The following LRBA variants were observed in gnomAD, a reference collection of about 807,000 sequenced individuals.
LRBA encodes LPS responsive beige-like anchor protein, also known as lipopolysaccharide-responsive and beige-like anchor protein.
A neutral mutation model predicts 330.0 loss-of-function variants in LRBA; 176 were observed. The ratio of observed to expected loss-of-function variants is 0.53; its 90% CI spans 0.47 to 0.60. The LOEUF (loss-of-function observed/expected upper bound fraction) is 0.60, where lower values mean the gene tolerates loss of function less well. LRBA is among the 20% of genes least tolerant of loss of function. The pLI is 0.00. For missense variants in LRBA, 3,259 were observed against 3,444.8 expected (o/e 0.95, Z 1.35); for synonymous variants, 1,230 against 1,193.0 (o/e 1.03, Z -0.64).
At chr4:150,451,482 A>C (rs1426090195) in intron 44 of LRBA, among the ~76,000 whole-genome samples, 1 of 152,232 alleles carries the variant, frequency 6.6e-6, no homozygotes, top group African/African-American at 2.4e-5. Flanking sequence ...AATTTACAAG[A>C]GAAATTAGAA....
At chr4:150,267,699 T>C (rs1043210518) in intron 56 of LRBA, among the ~76,000 whole-genome samples, 1 of 152,052 alleles carries the variant, frequency 6.6e-6, no homozygotes, top group Non-Finnish European at 1.5e-5. Flanking sequence ...AGTAAAATGA[T>C]TGATAGGAAA....
chr4:150,856,365 C>T (rs911142142), intron 22 of LRBA, among the ~76,000 whole-genome samples: 19 of 152,146 alleles, frequency 1.2e-4, no homozygotes, highest in African/African-American at 1.4e-4. Context: ...CTTCATCTCT[C>T]TTCTATGTTG....
At chr4:150,674,798 C>T (rs1782388076) in intron 37 of LRBA, among the ~76,000 whole-genome samples, 1 of 152,080 alleles carries the variant, frequency 6.6e-6, no homozygotes, top group Non-Finnish European at 1.5e-5. Flanking sequence ...CTGCTTGAGC[C>T]CTGGAGGTCA....
At chr4:150,446,775 A>G (rs1752667336) in intron 44 of LRBA, among the ~76,000 whole-genome samples, 1 of 152,264 alleles carries the variant, frequency 6.6e-6, no homozygotes, top group Non-Finnish European at 1.5e-5. Context: ...GTCAAAAAAT[A>G]AAGGCGGATG....
At chr4:150,905,205 A>C (rs1731196655) in intron 13 of LRBA, among the ~76,000 whole-genome samples, 1 of 152,108 alleles carries the variant, frequency 6.6e-6, no homozygotes, top group Non-Finnish European at 1.5e-5. Context: ...TGAAAAAAAA[A>C]ATTTGTACAA....
At chr4:150,948,086 C>T (rs1736428447) in intron 2 of LRBA, among the ~76,000 whole-genome samples, 1 of 152,062 alleles carries the variant, frequency 6.6e-6, no homozygotes. Flanking sequence ...ACATAGTTCC[C>T]ATCAAAATCC....
chr4:150,638,536 A>C (rs185918076), intron 37 of LRBA, among the ~76,000 whole-genome samples: 62 of 152,336 alleles, frequency 4.1e-4, no homozygotes, highest in Non-Finnish European at 7.1e-4. Context: ...ACTTAAGAAC[A>C]CATAAGGACA....
chr4:150,964,167 TG>T (rs1160924714), intron 2 of LRBA, among the ~76,000 whole-genome samples: 1 of 144,376 alleles, frequency 6.9e-6, no homozygotes, highest in Non-Finnish European at 1.5e-5. Context: ...GTCTGGGAGG[TG>T]GGGGGCCCCT....
chr4:150,735,660 C>T (rs1731087502), intron 35 of LRBA, among the ~76,000 whole-genome samples: 1 of 152,162 alleles, frequency 6.6e-6, no homozygotes, highest in Non-Finnish European at 1.5e-5. Flanking sequence ...GTTACCAAGG[C>T]AGCCAAAATT....
intron 40 of LRBA, among the ~76,000 whole-genome samples, chr4:150,568,504 C>T (rs1025093482): frequency 1.3e-5 from 2 of 152,110 alleles, no homozygotes; most frequent in African/African-American, 4.8e-5. Flanking sequence ...TAGCAGGCAG[C>T]ACGTAAGTGG....
At chr4:150,944,386 GC>G (rs1189509316) in intron 2 of LRBA, among the ~76,000 whole-genome samples, 1 of 152,108 alleles carries the variant, frequency 6.6e-6, no homozygotes, top group Non-Finnish European at 1.5e-5. Flanking sequence ...CTTTACATAA[GC>G]ACTTTACATG....
chr4:150,462,188 T>C (rs1460116400), intron 44 of LRBA, among the ~76,000 whole-genome samples: 2 of 151,802 alleles, frequency 1.3e-5, no homozygotes, highest in African/African-American at 4.8e-5. Context: ...CTATGCATGG[T>C]TAGATCTGTC....
chr4:150,737,507 G>A (rs1187002861), intron 35 of LRBA, among the ~76,000 whole-genome samples: 2 of 107,714 alleles, frequency 1.9e-5, no homozygotes, highest in Non-Finnish European at 4.7e-5. Context: ...GAGAGAGAGA[G>A]AAAGGAAAGA....
At chr4:150,725,188 T>C (rs539267391) in intron 36 of LRBA, among the ~76,000 whole-genome samples, 12 of 152,164 alleles carry the variant, frequency 7.9e-5, no homozygotes, top group African/African-American at 2.9e-4. Context: ...GTAGAAAGTC[T>C]ATTCAAAAGA....
At chr4:150,807,671 A>G (rs914486798) in intron 32 of LRBA, among the ~76,000 whole-genome samples, 4 of 151,780 alleles carry the variant, frequency 2.6e-5, no homozygotes, top group Non-Finnish European at 4.4e-5. Context: ...GTTGAGATGG[A>G]GTCTCACTCT....
chr4:150,527,197 G>C (rs192540694), intron 40 of LRBA, among the ~76,000 whole-genome samples: 120 of 152,076 alleles, frequency 7.9e-4, no homozygotes, highest in African/African-American at 2.5e-3. Flanking sequence ...TTCCAAGAAC[G>C]GTTTTGCTTT....
chr4:150,957,945 G>T (rs181980462), intron 2 of LRBA, among the ~76,000 whole-genome samples: 1 of 149,454 alleles, frequency 6.7e-6, no homozygotes, highest in Admixed American at 6.6e-5. Context: ...TGGCTTTGCA[G>T]GGTACAGACC....
intron 47 of LRBA, among the ~76,000 whole-genome samples, chr4:150,411,918 G>A (rs1343203545): frequency 6.6e-6 from 1 of 152,130 alleles, no homozygotes; most frequent in African/African-American, 2.4e-5. Context: ...ACTCTTATGT[G>A]ACAATATGCT....
intron 40 of LRBA, among the ~76,000 whole-genome samples, chr4:150,518,226 G>A (rs1222642532): frequency 6.6e-6 from 1 of 152,162 alleles, no homozygotes; most frequent in Non-Finnish European, 1.5e-5. Flanking sequence ...CCACATTAGT[G>A]GATCTGATAA....
Sources: allele counts gnomAD v4.1 joint callset (sites outside exome capture counted in the v4.1 genomes callset), GRCh38; gene constraint gnomAD v4.1.1; transcripts MANE v1.5; gene names NCBI Gene and HGNC (gene_info 2026-07-23, HGNC 2026-07-21).